SLCO1A2: variants seen among roughly 807,000 people sequenced by gnomAD.
SLCO1A2 encodes solute carrier organic anion transporter family member 1A2.
A neutral mutation model predicts 69.0 loss-of-function variants in SLCO1A2; 67 were observed. The observed-to-expected ratio is 0.97, with a 90% CI of 0.80 to 1.19. The LOEUF is 1.19. Ranked by LOEUF, SLCO1A2 falls within the 50% of genes most tolerant of loss-of-function variation. The pLI, the probability that SLCO1A2 is intolerant of heterozygous loss-of-function variation, is 0.00. For missense variants in SLCO1A2, 787 were observed against 793.7 expected (o/e 0.99, Z 0.10); for synonymous variants, 260 against 265.9 (o/e 0.98, Z 0.22).
intron 2 of SLCO1A2, among the ~76,000 whole-genome samples, chr12:21,356,968 T>A (rs1020252473): frequency 2.0e-5 from 3 of 151,594 alleles, no homozygotes; most frequent in African/African-American, 7.3e-5. Context: ...TAATAAAGTC[T>A]CAAATAGCAA....
chr12:21,372,699 A>G (rs1939887087), intron 2 of SLCO1A2, among the ~76,000 whole-genome samples: 1 of 152,222 alleles, frequency 6.6e-6, no homozygotes, highest in Admixed American at 6.5e-5. Flanking sequence ...ACACACCATT[A>G]ACTGCACAAG....
rs746975268 is a variant in SLCO1A2, at chr12:21,306,900, G to A, written c.424C>T (p.Pro142Ser). 1.2e-6 allele frequency: 2 copies of A among 1,613,380 alleles called. No individual in the cohort carries two copies. Among genetic ancestry groups the A allele is most frequent in the Non-Finnish European group, 1.7e-6 (2 of 1,179,442 alleles). Residue 142 changes from proline to serine, a missense_variant, in exon 5 of 15, where the codon CCA becomes TCA. Physicochemically the swap from Pro to Ser is moderately conservative, Grantham distance 74. Transcript: ENST00000683939. ...CMENGTQILRPTQDPSECTKE... is the reference protein window; with the variant it reads ...CMENGTQILRSTQDPSECTKE... Reference sequence around the variant, plus strand: ...AGACAACCTGATGGATCCTGCGTTGGTCTTAAAATCTGGGTTCCATTTTCC... The same window carrying A: ...AGACAACCTGATGGATCCTGCGTTGATCTTAAAATCTGGGTTCCATTTTCC...
At chr12:21,371,123 T>G (rs531916436) in intron 2 of SLCO1A2, among the ~76,000 whole-genome samples, 62 of 152,298 alleles carry the variant, frequency 4.1e-4, no homozygotes, top group Non-Finnish European at 6.8e-4. Flanking sequence ...ATGCGGAAAT[T>G]TCAAGGGAAG....
Position 21,360,276 on chromosome 12 carries a change from C to A in SLCO1A2, c.-63+14123G>T, listed in dbSNP as rs574063649. 2.6e-5 allele frequency among the ~76,000 whole-genome samples: 4 copies of A among 152,186 alleles called. No homozygotes were observed. In the East Asian group the frequency reaches 7.7e-4, roughly 29 times the overall value. ...AGTGTGTGCATTGGCCAAAACCAGT[C>A]AAATTATACATTTTAAATATGTGCA... On this transcript the variant is annotated intron_variant, in intron 2 of 15. Coordinates refer to the SLCO1A2 transcript ENST00000307378.
At chr12:21,355,115 T>C (rs1358404981) in intron 2 of SLCO1A2, 1 of 152,192 alleles carries the variant, frequency 6.6e-6, no homozygotes, top group Non-Finnish European at 1.5e-5. Flanking sequence ...CTTTTCTTTA[T>C]CATATGATCC....
chr12:21,312,917 A>T lies in SLCO1A2; in HGVS notation c.335+1632T>A, dbSNP rs536285256. 1.5e-4 allele frequency among the ~76,000 whole-genome samples: 23 copies of T among 151,782 alleles called. No homozygotes were observed. In the South Asian group the frequency reaches 2.5e-3, roughly 17 times the overall value. On this transcript the variant is annotated intron_variant, in intron 4 of 14. Transcript: ENST00000683939. Reference sequence around the variant, plus strand: ...GGTGAAATCCTGTCTCTACCAAAAAAATATATATATATACAAAAATTAGCC... The same window carrying T: ...GGTGAAATCCTGTCTCTACCAAAAATATATATATATATACAAAAATTAGCC...
chr12:21,272,523 A>G (rs1377125319), intron 14 of SLCO1A2, among the ~76,000 whole-genome samples: 2 of 151,994 alleles, frequency 1.3e-5, no homozygotes, highest in Non-Finnish European at 2.9e-5. Flanking sequence ...ATTAAGTAAT[A>G]TCTCTGGTTA....
chr12:21,385,056 C>A (rs1010477400), intron 1 of SLCO1A2, among the ~76,000 whole-genome samples: 11 of 152,284 alleles, frequency 7.2e-5, no homozygotes, highest in African/African-American at 2.6e-4. Flanking sequence ...TGAACCACTT[C>A]GCCCGGCCAG....
chr12:21,373,818 CT>C (rs1456486317), intron 2 of SLCO1A2: 2 of 605,162 alleles, frequency 3.3e-6, no homozygotes, highest in East Asian at 2.8e-5. Flanking sequence ...CAAGTGGATT[CT>C]TTTTGTATAT....
At position 21,265,570 on chromosome 12, in the gene SLCO1A2, T is replaced by C. The variant is rs1237179492; in HGVS notation, c.*3978A>G. On this transcript the variant is annotated 3_prime_UTR_variant, in exon 15 of 15. Coordinates refer to ENST00000683939, the MANE Select transcript of SLCO1A2 (RefSeq NM_001386879.1). ...TAGAAACTTTTAAACACTGGTGTAG[T>C]TTCTCCATGTTGGGAAGGCTTAGGG... 2.0e-5 allele frequency: 3 copies of C among 152,180 alleles called. No individual in the cohort carries two copies. The highest frequency in any genetic ancestry group is 7.2e-5 in the African/African-American group (3 of 41,440). The allele number at this position is 152,180 out of a possible 1,614,324, so 9.4% of individuals were successfully genotyped here.
chr12:21,386,640 G>A (rs1042300897), intron 1 of SLCO1A2, among the ~76,000 whole-genome samples: 1 of 152,106 alleles, frequency 6.6e-6, no homozygotes, highest in African/African-American at 2.4e-5. Context: ...GGAACTGTGA[G>A]TCCATTAAAT....
chr12:21,313,964 A>G (rs1037649995), intron 4 of SLCO1A2, among the ~76,000 whole-genome samples: 4 of 139,732 alleles, frequency 2.9e-5, no homozygotes, highest in African/African-American at 1.1e-4. Context: ...ACTGTCTCAA[A>G]AAAATAATAA....
In SLCO1A2 at chr12:21,334,570, C is replaced by T. The variant is rs765681162; in HGVS notation, c.60+18G>A. The T allele has an allele frequency of 1.4e-4, 224 of 1,585,292 alleles. 1 individual carries two copies. Among genetic ancestry groups the T allele is most frequent in the Non-Finnish European group, 1.9e-4 (217 of 1,157,110 alleles). ...ACTAGTGTACATGCACATATATCCACATACAAAAATTCCATACCTTCAACT... is the reference window on the plus strand; with the variant it reads ...ACTAGTGTACATGCACATATATCCATATACAAAAATTCCATACCTTCAACT... On this transcript the variant is annotated intron_variant, in intron 2 of 14. Transcript: ENST00000683939.
At chr12:21,347,290 T>C (rs193031836) in intron 2 of SLCO1A2, among the ~76,000 whole-genome samples, 64 of 152,262 alleles carry the variant, frequency 4.2e-4, no homozygotes, top group African/African-American at 1.5e-3. Context: ...AGAATGCCTA[T>C]ATCAAAAAGT....
At chr12:21,408,291 C>T (rs974467725) in intron 1 of SLCO1A2, among the ~76,000 whole-genome samples, 1 of 152,002 alleles carries the variant, frequency 6.6e-6, no homozygotes, top group East Asian at 1.9e-4. Context: ...TCTTTCCTTG[C>T]TTCTTTGTGT....
chr12:21,325,783 A>T (rs547119408), intron 2 of SLCO1A2, among the ~76,000 whole-genome samples: 1 of 152,282 alleles, frequency 6.6e-6, no homozygotes, highest in African/African-American at 2.4e-5. Context: ...CTCTGGGGTG[A>T]GTCCTCTGAC....
At chr12:21,375,197 T>A (rs1426857895) in intron 1 of SLCO1A2, among the ~76,000 whole-genome samples, 1 of 152,212 alleles carries the variant, frequency 6.6e-6, no homozygotes, top group South Asian at 2.1e-4. Flanking sequence ...TAATATTACT[T>A]GTTATAAAAT....
At position 21,269,754 on chromosome 12, in the gene SLCO1A2, CGA is replaced by C. The variant is rs780424634; in HGVS notation, c.1805_1806del (p.Leu602ArgfsTer29). ...YDSTTFRYIY[L>X]GLPAALRGSS... ...GATCCTCTTAGTGCTGCCGGCAATC[CGA>C]GGTAGATGTATCTATTTTTTTAAAA... On this transcript the variant is annotated frameshift_variant, in exon 15 of 15. Coordinates refer to ENST00000683939, the MANE Select transcript of SLCO1A2 (RefSeq NM_001386879.1). LOFTEE classifies it low-confidence loss of function (END_TRUNC). The C allele has an allele frequency of 6.2e-7, 1 of 1,608,962 alleles. No individual in the cohort carries two copies. Among genetic ancestry groups the C allele is most frequent in the South Asian group, 1.1e-5 (1 of 90,326 alleles).
chr12:21,276,387 G>GACAC (rs3060629), intron 12 of SLCO1A2, among the ~76,000 whole-genome samples: 10,893 of 141,854 alleles, frequency 0.077, 452 homozygotes, highest in East Asian at 0.11. Flanking sequence ...GATAAATATG[G>GACAC]ACACACACAC....
Sources: gnomAD v4.1 joint callset for allele counts (sites outside exome capture counted in the v4.1 genomes callset) on GRCh38, gnomAD v4.1.1 for gene constraint, MANE v1.5 for transcripts, NCBI Gene and HGNC (gene_info 2026-07-23, HGNC 2026-07-21) for gene names.